BSND: variants seen among roughly 807,000 people sequenced by gnomAD.
BSND encodes the protein barttin.
A neutral mutation model predicts 18.8 loss-of-function variants in BSND; 13 were observed. The observed-to-expected ratio is 0.69, with a 90% CI of 0.45 to 1.10. The LOEUF is 1.10. Among genes scored for constraint, BSND ranks in the 50% least tolerant of loss-of-function variants. BSND has a pLI of 0.00. For synonymous variants in BSND, 170 were observed against 161.8 expected (o/e 1.05, Z -0.39); for missense variants, 379 against 416.7 (o/e 0.91, Z 0.79).
intron 1 of BSND, among the ~76,000 whole-genome samples, chr1:55,000,253 G>A (rs193113010): frequency 8.5e-5 from 13 of 152,296 alleles, no homozygotes; most frequent in African/African-American, 2.4e-4. Context: ...GAATGGAAAT[G>A]CCAGGAGTTG....
At chr1:55,001,290 G>A (rs1644360596) in intron 1 of BSND, among the ~76,000 whole-genome samples, 1 of 151,560 alleles carries the variant, frequency 6.6e-6, no homozygotes, top group Admixed American at 6.6e-5. Flanking sequence ...ATATGTGAAG[G>A]CATTGTTCTT....
chr1:55,007,609 C>G (rs1644398312), intron 3 of BSND, among the ~76,000 whole-genome samples: 1 of 152,124 alleles, frequency 6.6e-6, no homozygotes. Flanking sequence ...ACAGTAGGCC[C>G]TTGATGTCTC....
intron 1 of BSND, 58 bp downstream of exon 1, chr1:54,999,421 CTG>C (rs1644350392): frequency 1.9e-6 from 3 of 1,545,748 alleles, no homozygotes; most frequent in African/African-American, 2.7e-5. Context: ...GGGCTGGACA[CTG>C]TGCCTGTATG....
At chr1:55,002,591 T>A (rs1212700911) in intron 1 of BSND, among the ~76,000 whole-genome samples, 1 of 152,198 alleles carries the variant, frequency 6.6e-6, no homozygotes, top group African/African-American at 2.4e-5. Flanking sequence ...AAGGCTAAGC[T>A]TCTTAGTTTG....
rs535715007 is a variant in BSND, at chr1:55,010,888, T to C, written c.*2260T>C. The C allele has an allele frequency of 1.3e-3, 204 of 152,282 alleles. 1 individual carries two copies. Among genetic ancestry groups the C allele is most frequent in the Non-Finnish European group, 2.2e-3 (148 of 68,026 alleles). 9.4% of individuals were successfully genotyped at this position (152,282 alleles called of 1,614,324 possible). On this transcript the variant is annotated 3_prime_UTR_variant, in exon 4 of 4. Coordinates refer to ENST00000651561, the MANE Select transcript of BSND (RefSeq NM_057176.3). ...AAACTACTTTCAACATTTAAAGGGG[T>C]CATCTTCATTCACCTGCAAATTCTT...
At position 55,005,064 on chromosome 1, in the gene BSND, T is replaced by C. The variant is rs1644382661; in HGVS notation, c.220T>C (p.Ser74Pro). The C allele has an allele frequency of 6.2e-7, 1 of 1,614,068 alleles. No individual in the cohort carries two copies. The highest frequency in any genetic ancestry group is 2.2e-5 in the East Asian group (1 of 44,866). Residue 74 changes from serine to proline, a missense_variant, in exon 2 of 4, where the codon TCC becomes CCC. Transcript: ENST00000651561. ...PADSDFQGILSPKAMGLLENG... is the reference protein window; with the variant it reads ...PADSDFQGILPPKAMGLLENG... Reference sequence around the variant, plus strand: ...TGACTCTGACTTTCAAGGCATCCTCTCCCCAAAGGCCATGGGCCTGCTGGA... The same window carrying C: ...TGACTCTGACTTTCAAGGCATCCTCCCCCCAAAGGCCATGGGCCTGCTGGA...
At position 55,009,033 on chromosome 1, in the gene BSND, C is replaced by T. The variant is rs901697368; in HGVS notation, c.*405C>T. 8 of 296,606 alleles carry T rather than the reference C, an allele frequency of 2.7e-5. No homozygotes were observed. The highest frequency in any genetic ancestry group is 1.8e-4 in the East Asian group (2 of 10,854). The allele number at this position is 296,606 out of a possible 1,614,324, so 18.4% of individuals were successfully genotyped here. On this transcript the variant is annotated 3_prime_UTR_variant, in exon 4 of 4. Transcript: ENST00000651561. ...AGTCCACTTGGTAGATGGCGTGATC[C>T]GTCTTTACACAGAGGGAGCCTCATC... is the stretch of plus-strand genomic sequence containing the variant.
At chr1:55,001,488 C>T (rs1483693385) in intron 1 of BSND, among the ~76,000 whole-genome samples, 1 of 152,138 alleles carries the variant, frequency 6.6e-6, no homozygotes, top group East Asian at 1.9e-4. Context: ...CCTGCTTGGT[C>T]TCATTGGTGC....
chr1:55,001,531 G>A (rs759739840), intron 1 of BSND, among the ~76,000 whole-genome samples: 7 of 152,110 alleles, frequency 4.6e-5, no homozygotes, highest in African/African-American at 1.7e-4. Context: ...GCTCCTGCCT[G>A]TCCTCCCCTC....
chr1:55,007,123 C>T lies in BSND; in HGVS notation c.399C>T (p.Ala133=), dbSNP rs1470633932. 4 of 1,614,032 alleles carry T rather than the reference C, an allele frequency of 2.5e-6. No homozygotes were observed. Among genetic ancestry groups the T allele is most frequent in the South Asian group, 1.1e-5 (1 of 91,086 alleles). Residue 133 remains alanine, a synonymous_variant, in exon 3 of 4, where the codon GCC becomes GCT. Coordinates refer to ENST00000651561, the MANE Select transcript of BSND (RefSeq NM_057176.3). ...GTGAGGACCACCGCTCCTTGCTGGC[C>T]CCTGAGATGGGGCAGCCGAAGCTGG... ...SYSEDHRSLL[A]PEMGQPKLGT...
At chr1:55,006,088 G>A (rs530559336) in intron 2 of BSND, among the ~76,000 whole-genome samples, 6 of 152,216 alleles carry the variant, frequency 3.9e-5, no homozygotes, top group African/African-American at 1.2e-4. Flanking sequence ...AGAGTCTGTC[G>A]GCTGGGTTAG....
intron 1 of BSND, among the ~76,000 whole-genome samples, chr1:55,003,816 C>T (rs557896508): frequency 6.6e-6 from 1 of 151,816 alleles, no homozygotes; most frequent in African/African-American, 2.4e-5. Flanking sequence ...ACAGCAACCT[C>T]AGGAGACTGG....
chr1:55,000,963 G>A (rs1002748007), intron 1 of BSND, among the ~76,000 whole-genome samples: 3 of 152,112 alleles, frequency 2.0e-5, no homozygotes, highest in Middle Eastern at 3.2e-3. Context: ...GACGGTAGAG[G>A]GGAGGGGAGG....
intron 1 of BSND, among the ~76,000 whole-genome samples, chr1:55,004,780 G>T (rs573259070): frequency 6.6e-6 from 1 of 152,210 alleles, no homozygotes; most frequent in Non-Finnish European, 1.5e-5. Flanking sequence ...GACAGTGCCT[G>T]CACACAGCAG....
chr1:54,999,702 T>G (rs1644351829), intron 1 of BSND, among the ~76,000 whole-genome samples: 1 of 152,226 alleles, frequency 6.6e-6, no homozygotes, highest in Non-Finnish European at 1.5e-5. Context: ...ACTCCTGCGT[T>G]CAGGGTGCAG....
At position 55,015,759 on chromosome 1, in the gene BSND, C is replaced by A. The variant is rs1007378610; in HGVS notation, c.*7131C>A. On this transcript the variant is annotated 3_prime_UTR_variant, in exon 4 of 4. Transcript: ENST00000651561. Reference sequence around the variant, plus strand: ...GCTTGTCTTGGGGGAACCTCTACTACCCCGGGCTAACTGCAGAGTGAACAG... The same window carrying A: ...GCTTGTCTTGGGGGAACCTCTACTAACCCGGGCTAACTGCAGAGTGAACAG... Among the ~76,000 whole-genome samples the A allele has an allele frequency of 1.3e-5, 2 of 152,196 alleles. No individual in the cohort carries two copies. Among genetic ancestry groups the A allele is most frequent in the Non-Finnish European group, 2.9e-5 (2 of 68,026 alleles).
chr1:55,002,067 G>C (rs1161045672), intron 1 of BSND, among the ~76,000 whole-genome samples: 1 of 152,178 alleles, frequency 6.6e-6, no homozygotes, highest in African/African-American at 2.4e-5. Context: ...ATACCAGTGG[G>C]GAGGCTTCTT....
Position 55,017,061 on chromosome 1 carries a change from T to G in BSND, c.*8433T>G, listed in dbSNP as rs1264109315. ...TTTGATGAATTTCTATCTCCTTCAT[T>G]GGACGCTAAGCTCTGTGAAGGCAAG... On this transcript the variant is annotated 3_prime_UTR_variant, in exon 4 of 4. Coordinates refer to ENST00000651561, the MANE Select transcript of BSND (RefSeq NM_057176.3). 6.6e-6 allele frequency among the ~76,000 whole-genome samples: 1 copy of G among 152,226 alleles called. No homozygotes were observed.
chr1:55,005,783 C>T (rs1292330659), intron 2 of BSND, among the ~76,000 whole-genome samples: 2 of 152,200 alleles, frequency 1.3e-5, no homozygotes, highest in Non-Finnish European at 2.9e-5. Flanking sequence ...GCTCTTTATA[C>T]AGCTAGGAAG....
Sources: allele counts gnomAD v4.1 joint callset (sites outside exome capture counted in the v4.1 genomes callset), GRCh38; gene constraint gnomAD v4.1.1; transcripts MANE v1.5; gene names NCBI Gene and HGNC (gene_info 2026-07-23, HGNC 2026-07-21).